The following FBLN1 variants were observed in gnomAD, a reference collection of about 807,000 sequenced individuals.
The protein encoded by FBLN1 is fibulin 1.
Under a neutral mutation model 89.7 loss-of-function variants are expected in FBLN1, and 34 were observed. That is an observed-to-expected ratio of 0.38 (90% CI 0.29 to 0.50). The LOEUF is 0.50. Ranked by LOEUF, FBLN1 falls within the 20% of genes least tolerant of loss-of-function variation. The pLI is 0.92. For missense variants in FBLN1, 777 were observed against 988.1 expected (o/e 0.79, Z 2.86); for synonymous variants, 393 against 391.3 (o/e 1.00, Z -0.05).
At position 45,545,769 on chromosome 22, in the gene FBLN1, A is replaced by G. The variant is rs894037131; in HGVS notation, c.1322-1316A>G. ...GTTCTGTGACAGCCACATAGTATAG[A>G]TTTAAGGCTTTTCCAGCCACAATCT... On this transcript the variant is annotated intron_variant, in intron 11 of 16. Coordinates refer to ENST00000327858, the MANE Select transcript of FBLN1 (RefSeq NM_006486.3). This position sits in a 1 kb window ranked among gnomAD's most constrained non-coding sequence, Gnocchi z 5.9. 6.6e-6 allele frequency among the ~76,000 whole-genome samples: 1 copy of G among 152,098 alleles called. No homozygotes were observed. Among genetic ancestry groups the G allele is most frequent in the Non-Finnish European group, 1.5e-5 (1 of 68,006 alleles).
chr22:45,541,635 C>T lies in FBLN1; in HGVS notation c.1066+263C>T, dbSNP rs575871586. Among the ~76,000 whole-genome samples, 6 of 152,336 alleles carry T rather than the reference C, an allele frequency of 3.9e-5. No homozygotes were observed. The East Asian group carries it at 9.6e-4, about 24-fold the overall frequency. ...CCTGTTTACAGTTCCATCAGCTCCC[C>T]GTTGGTGACAAAGGATGGATGCCTC... On this transcript the variant is annotated intron_variant, in intron 9 of 16. Coordinates refer to ENST00000327858, the MANE Select transcript of FBLN1 (RefSeq NM_006486.3).
chr22:45,558,147 A>G (rs2088811798), intron 14 of FBLN1: 1 of 714,488 alleles, frequency 1.4e-6, no homozygotes, highest in Non-Finnish European at 2.6e-6. Context: ...AGTGGAGACC[A>G]CGGGCATTTG....
In FBLN1 at chr22:45,550,426, C is replaced by A. The variant is rs982791396; in HGVS notation, c.1574-66C>A. On this transcript the variant is annotated intron_variant, in intron 13 of 16. Transcript: ENST00000327858. The surrounding 1 kb of genome is among the most constrained non-coding windows in gnomAD (Gnocchi z 8.4). Reference sequence around the variant, plus strand: ...AGTTGATGGGAGGCCTGGGCTCCTCCGTCTCCAGATGGGTATGGCTCCTGC... The same window carrying A: ...AGTTGATGGGAGGCCTGGGCTCCTCAGTCTCCAGATGGGTATGGCTCCTGC... 1.9e-6 allele frequency: 3 copies of A among 1,611,800 alleles called. No individual in the cohort carries two copies. The highest frequency in any genetic ancestry group is 2.5e-6 in the Non-Finnish European group (3 of 1,179,424).
Position 45,533,200 on chromosome 22 carries a change from C to T in FBLN1, c.646+36C>T, listed in dbSNP as rs77493188. The T allele has an allele frequency of 5.8e-4, 912 of 1,568,142 alleles. 4 individuals are homozygous for T. The African/African-American group carries it at 0.011, about 19-fold the overall frequency. On this transcript the variant is annotated intron_variant, in intron 6 of 16. Coordinates refer to ENST00000327858, the MANE Select transcript of FBLN1 (RefSeq NM_006486.3). ...TATCCCAGGTGCCAGCAGGACTGGCCGGTCACTGTGCTTGGGAGCTCTGTG... is the reference window on the plus strand; with the variant it reads ...TATCCCAGGTGCCAGCAGGACTGGCTGGTCACTGTGCTTGGGAGCTCTGTG...
In FBLN1 at chr22:45,577,543, G is replaced by C. The variant is rs1353765638; in HGVS notation, c.1972+435G>C. Among the ~76,000 whole-genome samples, 2 of 152,246 alleles carry C rather than the reference G, an allele frequency of 1.3e-5. No individual in the cohort carries two copies. Among genetic ancestry groups the C allele is most frequent in the Non-Finnish European group, 2.9e-5 (2 of 68,050 alleles). Reference sequence around the variant, plus strand: ...GAGGGATAGCAAAGTAGGAATCAGAGGGCCTGAGCTCTGGTCTCTCAGCCT... The same window carrying C: ...GAGGGATAGCAAAGTAGGAATCAGACGGCCTGAGCTCTGGTCTCTCAGCCT... On this transcript the variant is annotated intron_variant, in intron 16 of 16. Transcript: ENST00000327858. The surrounding 1 kb of genome is among the most constrained non-coding windows in gnomAD (Gnocchi z 6.6).
In FBLN1 at chr22:45,523,115, C is replaced by G. The variant is rs1000881117; in HGVS notation, c.186-2428C>G. ...GAGCCGTGGGGTTGGCCTCACTGTGCCAGGACCTGAATGGGGCGTGGGCAG... is the reference window on the plus strand; with the variant it reads ...GAGCCGTGGGGTTGGCCTCACTGTGGCAGGACCTGAATGGGGCGTGGGCAG... On this transcript the variant is annotated intron_variant, in intron 2 of 16. Coordinates refer to ENST00000327858, the MANE Select transcript of FBLN1 (RefSeq NM_006486.3). The G allele has an allele frequency of 1.3e-5, 10 of 776,146 alleles. No individual in the cohort carries two copies. The African/African-American group carries it at 1.7e-4, about 13-fold the overall frequency. The allele number at this position is 776,146 out of a possible 1,614,324, so 48.1% of individuals were successfully genotyped here. A position where few individuals can be genotyped will look rare whatever the true frequency, so the allele number is the denominator to read the frequency against.
chr22:45,515,267 C>T (rs886649801), intron 1 of FBLN1, among the ~76,000 whole-genome samples: 1 of 152,158 alleles, frequency 6.6e-6, no homozygotes. Flanking sequence ...CTGCTTGGCT[C>T]TTTGTGGACT....
Position 45,531,290 on chromosome 22 carries a change from A to G in FBLN1, c.510A>G (p.Glu170=), listed in dbSNP as rs757014233. 2 of 1,614,054 alleles carry G rather than the reference A, an allele frequency of 1.2e-6. No individual in the cohort carries two copies. Among genetic ancestry groups the G allele is most frequent in the Admixed American group, 1.7e-5 (1 of 60,004 alleles). Residue 170 remains glutamate (E), a synonymous_variant, in exon 5 of 17, where the codon GAA becomes GAG. Coordinates refer to ENST00000327858, the MANE Select transcript of FBLN1 (RefSeq NM_006486.3). This position sits in a 1 kb window ranked among gnomAD's most constrained non-coding sequence, Gnocchi z 4.9. ...ATAAGATCATTGAGGTTGAGGAGGA[A>G]CAAGAGGACCCATATCTGAATGACC... ...ETDKIIEVEE[E]QEDPYLNDRC...
chr22:45,557,140 T>G lies in FBLN1; in HGVS notation c.1697+6525T>G, dbSNP rs2088798496. On this transcript the variant is annotated intron_variant, in intron 14 of 16. Coordinates refer to ENST00000327858, the MANE Select transcript of FBLN1 (RefSeq NM_006486.3). This position sits in a 1 kb window ranked among gnomAD's most constrained non-coding sequence, Gnocchi z 4.9. ...TGGGGAACATGGTAAAACCAGTGAATTCCATGAGCATGAGCCCACTGCCAC... is the reference window on the plus strand; with the variant it reads ...TGGGGAACATGGTAAAACCAGTGAAGTCCATGAGCATGAGCCCACTGCCAC... 6.6e-6 allele frequency among the ~76,000 whole-genome samples: 1 copy of G among 152,188 alleles called. No homozygotes were observed. The highest frequency in any genetic ancestry group is 2.4e-5 in the African/African-American group (1 of 41,432).
intron 14 of FBLN1, chr22:45,564,885 C>T (rs1299375045): frequency 6.2e-7 from 1 of 1,613,742 alleles, no homozygotes; most frequent in Non-Finnish European, 8.5e-7. Context: ...TGTTTCCAGG[C>T]AGAAATCCAA....
chr22:45,514,067 G>A (rs115432457), intron 1 of FBLN1, among the ~76,000 whole-genome samples: 412 of 152,228 alleles, frequency 2.7e-3, no homozygotes, highest in African/African-American at 9.0e-3. Flanking sequence ...ACAGGCGTGA[G>A]CCACCGTACC....
intron 14 of FBLN1, among the ~76,000 whole-genome samples, chr22:45,573,090 A>G (rs2088963824): frequency 6.6e-6 from 1 of 151,980 alleles, no homozygotes; most frequent in African/African-American, 2.4e-5. Flanking sequence ...GCCAGGCATG[A>G]TGGTGCATGC....
chr22:45,533,703 A>G, intron 6 of FBLN1, 58 bp from the exon 7 acceptor site: 2 of 1,589,722 alleles, frequency 1.3e-6, no homozygotes, highest in Non-Finnish European at 1.7e-6. Flanking sequence ...CCTTTCTAGG[A>G]TGTATTAGGA....
At chr22:45,551,410 C>T (rs1394901819) in intron 14 of FBLN1, among the ~76,000 whole-genome samples, 2 of 152,226 alleles carry the variant, frequency 1.3e-5, no homozygotes, top group Non-Finnish European at 2.9e-5. Flanking sequence ...GCCTTGGGCT[C>T]TTGGCCAGCT....
intron 14 of FBLN1, among the ~76,000 whole-genome samples, chr22:45,553,749 G>C (rs920532713): frequency 6.6e-6 from 1 of 152,216 alleles, no homozygotes; most frequent in Non-Finnish European, 1.5e-5. Context: ...GGGTCGGAGG[G>C]GGAGCCTCCA....
rs371797404 is a variant in FBLN1 at position 45,533,982 on chromosome 22, C to A, written c.784+84C>A. The A allele has an allele frequency of 9.6e-5, 152 of 1,580,686 alleles. 2 individuals are homozygous for A. Among genetic ancestry groups the A allele is most frequent in the East Asian group, 6.3e-4 (28 of 44,652 alleles). On this transcript the variant is annotated intron_variant, in intron 7 of 16. Transcript: ENST00000327858. ...GGGAAGGGCAGCTCTGGGGTCTGGG[C>A]TCCCGCAGTCCTGCGCCCTCTGTGG...
chr22:45,586,393 C>T (rs2089086215), intron 16 of FBLN1, among the ~76,000 whole-genome samples: 1 of 152,190 alleles, frequency 6.6e-6, no homozygotes, highest in Admixed American at 6.5e-5. Context: ...TCGGCTACAC[C>T]CCTCTCTACA....
intron 7 of FBLN1, among the ~76,000 whole-genome samples, chr22:45,534,581 ATCATG>A (rs2088459170): frequency 6.6e-6 from 1 of 152,206 alleles, no homozygotes; most frequent in Non-Finnish European, 1.5e-5. Context: ...CACTCACTGT[ATCATG>A]AGAGTGACTT....
rs536349408 is a variant in FBLN1, at chr22:45,574,610, C to T, written c.1797C>T (p.Thr599=). 1.5e-5 allele frequency: 25 copies of T among 1,614,098 alleles called. No individual in the cohort carries two copies. The Admixed American group carries it at 1.8e-4, about 12-fold the overall frequency. ...ACCCCGTGCACACCATCTCCCACAC[C>T]GTCATCTCGCTGCCTACCTTCCGCG... ...VFDPVHTISH[T]VISLPTFREF... Residue 599 remains threonine, a synonymous_variant, in exon 15 of 17, where the codon ACC becomes ACT. Coordinates refer to ENST00000327858, the MANE Select transcript of FBLN1 (RefSeq NM_006486.3). This position sits in a 1 kb window ranked among gnomAD's most constrained non-coding sequence, Gnocchi z 4.1.
Sources: allele counts gnomAD v4.1 joint callset (sites outside exome capture counted in the v4.1 genomes callset), GRCh38; gene constraint gnomAD v4.1.1; non-coding constraint Gnocchi (gnomAD v3.1); transcripts MANE v1.5; gene names NCBI Gene and HGNC (gene_info 2026-07-23, HGNC 2026-07-21).